Variants in SYNE2 observed in about 807,000 individuals in gnomAD.
The protein encoded by SYNE2 is spectrin repeat containing nuclear envelope protein 2.
Under a neutral mutation model 856.3 loss-of-function variants are expected in SYNE2, and 431 were observed. That is an observed-to-expected ratio of 0.50 (90% CI 0.47 to 0.55). The LOEUF is 0.55. Ranked by LOEUF, SYNE2 falls within the 20% of genes least tolerant of loss-of-function variation. The pLI is 0.00. For missense variants in SYNE2, 8,129 were observed against 8,023.2 expected (o/e 1.01, Z -0.50); for synonymous variants, 2,923 against 2,872.3 (o/e 1.02, Z -0.56).
At chr14:64,224,182 A>AG (rs2098707495) in intron 113 of SYNE2, among the ~76,000 whole-genome samples, 1 of 48,434 alleles carries the variant, frequency 2.1e-5, no homozygotes, top group African/African-American at 1.3e-4. Flanking sequence ...CCGTCTCTGC[A>AG]AAAAAAAAAA....
Position 64,024,349 on chromosome 14 carries a change from G to T in SYNE2, c.5730G>T (p.Val1910=). 6.2e-7 allele frequency: 1 copy of T among 1,614,152 alleles called. No individual in the cohort carries two copies. The highest frequency in any genetic ancestry group is 8.5e-7 in the Non-Finnish European group (1 of 1,180,004). ...HVKKHLPKAH[V]KELISWLVGQ... ...AGAAGCATCTGCCCAAAGCACATGT[G>T]AAGGAGCTTATCAGTTGGCTCGTGG... is the stretch of plus-strand genomic sequence containing the variant. Residue 1910 remains valine, a synonymous_variant, in exon 39 of 116, where the codon GTG becomes GTT. Transcript: ENST00000555002.
intron 84 of SYNE2, among the ~76,000 whole-genome samples, chr14:64,150,134 C>T (rs1289483783): frequency 6.8e-6 from 1 of 147,870 alleles, no homozygotes; most frequent in African/African-American, 2.5e-5. Flanking sequence ...ACTCTGGGCG[C>T]GGTGGCTCAA....
At position 64,167,234 on chromosome 14, in the gene SYNE2, A is replaced by G. The variant is rs769208120; in HGVS notation, c.16607A>G (p.Asn5536Ser). 3 of 1,614,200 alleles carry G rather than the reference A, an allele frequency of 1.9e-6. No individual in the cohort carries two copies. The highest frequency in any genetic ancestry group is 1.7e-5 in the Admixed American group (1 of 60,028). The change falls in exon 91 of 116, where the codon AAT (asparagine) becomes AGT (serine). Residue 5536 changes from asparagine to serine, a missense_variant and splice_region_variant. Transcript: ENST00000555002. ...TGTACTTCAATTTTTTAAAAATAGAATCATGTGCTGGCACTGACAGCCCAA... is the reference window on the plus strand; with the variant it reads ...TGTACTTCAATTTTTTAAAAATAGAGTCATGTGCTGGCACTGACAGCCCAA... Reference protein sequence around the residue: ...QEKENPDSFLNHVLALTAQSP... With the variant: ...QEKENPDSFLSHVLALTAQSP...
intron 111 of SYNE2, 25 bp from the exon 112 acceptor site, chr14:64,221,551 G>A (rs551711330): frequency 4.0e-5 from 64 of 1,614,166 alleles, no homozygotes; most frequent in South Asian, 3.8e-4. Flanking sequence ...AGACACGGCC[G>A]CGCTCTGATG....
chr14:63,905,417 T>C (rs1372429248), intron 1 of SYNE2, among the ~76,000 whole-genome samples: 1 of 152,234 alleles, frequency 6.6e-6, no homozygotes, highest in Admixed American at 6.5e-5. Context: ...TTCAATGATA[T>C]TGATGCTCCT....
intron 20 of SYNE2, 51 bp downstream of exon 20, chr14:63,990,620 G>A: frequency 6.4e-7 from 1 of 1,558,418 alleles, no homozygotes; most frequent in South Asian, 1.1e-5. Flanking sequence ...AAAACTGAGG[G>A]GTCACTGAGT....
At position 63,998,271 on chromosome 14, in the gene SYNE2, A is replaced by C. The variant is rs375909581; in HGVS notation, c.3296A>C (p.Gln1099Pro). 1.9e-6 allele frequency: 3 copies of C among 1,614,014 alleles called. No homozygotes were observed. The highest frequency in any genetic ancestry group is 1.7e-5 in the Admixed American group (1 of 60,014). Reference protein sequence around the residue: ...FSLASVLRPLQEESIMEKDYS... With the variant: ...FSLASVLRPLPEESIMEKDYS... ...CTGGCATCAGTGTTAAGGCCTCTGC[A>C]AGAAGAAAGCATTATGGAAAAGGAT... The change falls in exon 26 of 116, where the codon CAA becomes CCA. Residue 1099 changes from glutamine to proline, a missense_variant. Gln to Pro is a moderately conservative substitution (Grantham distance 76). Coordinates refer to ENST00000555002, the MANE Select transcript of SYNE2 (RefSeq NM_182914.3).
chr14:64,106,800 C>T (rs915660203), intron 64 of SYNE2, among the ~76,000 whole-genome samples: 1 of 152,042 alleles, frequency 6.6e-6, no homozygotes, highest in Admixed American at 6.6e-5. Flanking sequence ...CTTCCCCACA[C>T]CTAGAATTTT....
intron 45 of SYNE2, 42 bp from the exon 46 acceptor site, chr14:64,047,958 G>A: frequency 1.9e-6 from 3 of 1,600,494 alleles, no homozygotes; most frequent in Non-Finnish European, 2.6e-6. Context: ...GATTTATTTG[G>A]AAAGTAGACT....
intron 1 of SYNE2, among the ~76,000 whole-genome samples, chr14:63,786,057 C>T (rs1360014165): frequency 6.6e-6 from 1 of 152,042 alleles, no homozygotes; most frequent in Non-Finnish European, 1.5e-5. Flanking sequence ...TCAAGACCAG[C>T]CTGGCCAACA....
At chr14:63,907,637 A>G (rs2095424353) in intron 1 of SYNE2, among the ~76,000 whole-genome samples, 1 of 151,868 alleles carries the variant, frequency 6.6e-6, no homozygotes, top group Admixed American at 6.6e-5. Context: ...TAGAAAATTC[A>G]TTCTGGAATT....
intron 66 of SYNE2, among the ~76,000 whole-genome samples, chr14:64,118,565 A>T (rs1369173687): frequency 1.3e-5 from 2 of 152,180 alleles, no homozygotes; most frequent in African/African-American, 4.8e-5. Context: ...TTGCAACATA[A>T]AAGATTAGGA....
chr14:64,165,175 C>T, intron 89 of SYNE2, 110 bp from the exon 90 acceptor site: 2 of 1,187,132 alleles, frequency 1.7e-6, no homozygotes, highest in Non-Finnish European at 2.5e-6. Flanking sequence ...CCATGAGCCA[C>T]CGTGCCTAGC....
chr14:64,217,897 C>G (rs774716800), intron 108 of SYNE2, among the ~76,000 whole-genome samples: 1 of 152,108 alleles, frequency 6.6e-6, no homozygotes, highest in Non-Finnish European at 1.5e-5. Flanking sequence ...TCAGTATGTG[C>G]GGTGAAAGAT....
At chr14:63,762,128 C>G (rs1332868168) in intron 1 of SYNE2, 1 of 415,400 alleles carries the variant, frequency 2.4e-6, no homozygotes, top group Non-Finnish European at 5.0e-6. Flanking sequence ...ATAGAAGATT[C>G]CTATAGAAAG....
At chr14:63,963,116 T>G (rs1309442130) in intron 9 of SYNE2, among the ~76,000 whole-genome samples, 1 of 152,228 alleles carries the variant, frequency 6.6e-6, no homozygotes. Flanking sequence ...GCTGTTAAGT[T>G]TGAGGCAATA....
intron 109 of SYNE2, 84 bp from the exon 110 acceptor site, chr14:64,219,124 T>TTTTTTTAAA: frequency 2.4e-6 from 2 of 845,414 alleles, no homozygotes; most frequent in Non-Finnish European, 1.8e-6. Context: ...TTTTTTTTTT[T>TTTTTTTAAA]AACCACCCTG....
intron 57 of SYNE2, chr14:64,084,879 G>A (rs1052087542): frequency 1.9e-5 from 13 of 693,558 alleles, no homozygotes; most frequent in East Asian, 1.1e-4. Context: ...CTGAAGGCTC[G>A]ACTTGTGTGA....
At chr14:64,095,826 G>A (rs2097672182) in intron 61 of SYNE2, among the ~76,000 whole-genome samples, 1 of 151,906 alleles carries the variant, frequency 6.6e-6, no homozygotes, top group South Asian at 2.1e-4. Flanking sequence ...CAACATTTTT[G>A]TTCATGTTGA....
Sources: allele counts gnomAD v4.1 joint callset (sites outside exome capture counted in the v4.1 genomes callset), GRCh38; gene constraint gnomAD v4.1.1; transcripts MANE v1.5; gene names NCBI Gene and HGNC (gene_info 2026-07-23, HGNC 2026-07-21).